Variants in KNDC1 observed in about 807,000 individuals in gnomAD.
KNDC1 encodes the protein kinase non-catalytic C-lobe domain containing 1.
A neutral mutation model predicts 172.8 loss-of-function variants in KNDC1; 106 were observed. That is an observed-to-expected ratio of 0.61 (90% confidence interval 0.52 to 0.72). The LOEUF (loss-of-function observed/expected upper bound fraction) is 0.72, where lower values mean the gene tolerates loss of function less well. Among genes scored for constraint, KNDC1 ranks in the 30% least tolerant of loss-of-function variants. The pLI, the probability that KNDC1 is intolerant of heterozygous loss-of-function variation, is 0.00. For synonymous variants in KNDC1, 1,083 were observed against 1,062.2 expected (o/e 1.02, Z -0.38); for missense variants, 2,325 against 2,394.5 (o/e 0.97, Z 0.61).
At chr10:133,166,748 TG>T (rs370750027) in intron 1 of KNDC1, among the ~76,000 whole-genome samples, 26 of 150,530 alleles carry the variant, frequency 1.7e-4, no homozygotes, top group African/African-American at 5.6e-4. Context: ...TGCATGTGCA[TG>T]GGGGGGGTGT....
Position 133,213,655 on chromosome 10 carries a change from A to G in KNDC1, c.4454A>G (p.Gln1485Arg). The change falls in exon 25 of 30, where the codon CAA (glutamine) becomes CGA (arginine). Residue 1485 changes from glutamine to arginine, a missense_variant. By Grantham distance (43) the Gln-to-Arg change is conservative. Transcript: ENST00000304613. ...CCATGTTCTGGGCAGGAGTTGTTTC[A>G]AAAGTGCCACCCGGTCCACTTCCTG... is the stretch of plus-strand genomic sequence containing the variant. ...QLTLLQQELF[Q>R]KCHPVHFLNS... 1 of 1,613,996 alleles carries G rather than the reference A, an allele frequency of 6.2e-7. No individual in the cohort carries two copies. Among genetic ancestry groups the G allele is most frequent in the South Asian group, 1.1e-5 (1 of 91,076 alleles).
Position 133,212,997 on chromosome 10 carries a change from C to G in KNDC1, c.4443+75C>G, listed in dbSNP as rs995482309. 52 of 1,302,254 alleles carry G rather than the reference C, an allele frequency of 4.0e-5. No homozygotes were observed. In the Admixed American group the frequency reaches 1.0e-3, roughly 25 times the overall value. 80.7% of individuals were successfully genotyped at this position (1,302,254 alleles called of 1,614,324 possible). On this transcript the variant is annotated intron_variant, in intron 24 of 29. Transcript: ENST00000304613. ...AGAAACACTCCGCGCCCATAGGGCC[C>G]TCAGCGGCTGCTTCCAGAGGAACAG...
Position 133,198,274 on chromosome 10 carries a change from G to C in KNDC1, c.1907-63G>C, listed in dbSNP as rs1025784987. 44 of 1,468,816 alleles carry C rather than the reference G, an allele frequency of 3.0e-5. No homozygotes were observed. In the African/African-American group the frequency reaches 5.4e-4, roughly 18 times the overall value. 91.0% of individuals were successfully genotyped at this position (1,468,816 alleles called of 1,614,324 possible). On this transcript the variant is annotated intron_variant, in intron 12 of 29. Coordinates refer to ENST00000304613, the MANE Select transcript of KNDC1 (RefSeq NM_152643.8). The stretch of plus-strand genomic sequence containing the variant: ...GGATGAGCACTGGGTGGGATGAGCC[G>C]GTGGTGCGGCACGTGCTGGGGCCAC...
At chr10:133,200,982 C>T (rs993436293) in intron 16 of KNDC1, among the ~76,000 whole-genome samples, 41 of 152,182 alleles carry the variant, frequency 2.7e-4, no homozygotes, top group African/African-American at 9.6e-4. Context: ...TCAGGCTGTC[C>T]GTAGTCGTGG....
In KNDC1 at chr10:133,186,021, G is replaced by A. The variant is rs747707034; in HGVS notation, c.673G>A (p.Gly225Arg). The A allele has an allele frequency of 3.2e-6, 5 of 1,584,628 alleles. No individual in the cohort carries two copies. The South Asian group carries it at 5.7e-5, about 18-fold the overall frequency. ...WRERPAPGNA[G>R]PRRPPGDPST... The stretch of plus-strand genomic sequence containing the variant: ...GGAGAGACCTGCCCCAGGAAACGCT[G>A]GGCCCAGGAGGCCGCCCGGGGACCC... The change falls in exon 6 of 30, where the codon GGG (glycine) becomes AGG (arginine). Residue 225 changes from glycine to arginine, a missense_variant. By Grantham distance (125) the Gly-to-Arg change is moderately radical (BLOSUM62 -2). Coordinates refer to ENST00000304613, the MANE Select transcript of KNDC1 (RefSeq NM_152643.8).
rs760770419 is a variant in KNDC1 at position 133,224,791 on chromosome 10, C to T, written c.5151C>T (p.Leu1717=). Residue 1717 remains leucine (L), a synonymous_variant, in exon 30 of 30, where the codon CTC becomes CTT. Transcript: ENST00000304613. The surrounding 1 kb of genome is among the most constrained non-coding windows in gnomAD (Gnocchi z 5.4). Reference sequence around the variant, plus strand: ...TCAGCGGTGCCGACATTTCCACACTCGCCGCAGATAGCAGGGCCAACTTCC... The same window carrying T: ...TCAGCGGTGCCGACATTTCCACACTTGCCGCAGATAGCAGGGCCAACTTCC... ...ARFSGADIST[L]AADSRANFHQ... is the part of the protein sequence containing the mutation. 2.5e-6 allele frequency: 4 copies of T among 1,614,026 alleles called. No homozygotes were observed. The highest frequency in any genetic ancestry group is 1.7e-6 in the Non-Finnish European group (2 of 1,180,026).
In KNDC1 at chr10:133,198,608, C is replaced by T. The variant is rs764069709; in HGVS notation, c.2100C>T (p.Ser700=). The change falls in exon 14 of 30, where the codon TCC becomes TCT. Residue 700 remains serine, a synonymous_variant. Transcript: ENST00000304613. ...RDQPALAQEE[S]EERGGQREGE... ...AGCCTGCCTTGGCCCAGGAGGAGTC[C>T]GAGGAGAGGGGCGGCCAGAGGGAGG... 33 of 1,599,424 alleles carry T rather than the reference C, an allele frequency of 2.1e-5. No homozygotes were observed. Among genetic ancestry groups the T allele is most frequent in the East Asian group, 4.5e-5 (2 of 44,550 alleles).
intron 15 of KNDC1, 80 bp from the exon 16 acceptor site, chr10:133,200,295 C>A (rs1236662518): frequency 9.1e-7 from 1 of 1,094,216 alleles, no homozygotes; most frequent in Non-Finnish European, 1.3e-6. Context: ...GACGTGTGGG[C>A]CTGTGGGCCC....
In KNDC1 at chr10:133,188,656, G is replaced by A. The variant is rs1294102045; in HGVS notation, c.1441+3G>A. On this transcript the variant is annotated splice_donor_region_variant and intron_variant, in intron 7 of 29. Transcript: ENST00000304613. Reference sequence around the variant, plus strand: ...GCAGACACGCCCTGAGCACCCAGGTGACGCACGCACCATCCCATCCCCCCC... The same window carrying A: ...GCAGACACGCCCTGAGCACCCAGGTAACGCACGCACCATCCCATCCCCCCC... 1.3e-6 allele frequency: 2 copies of A among 1,558,714 alleles called. No homozygotes were observed. Among genetic ancestry groups the A allele is most frequent in the East Asian group, 4.6e-5 (2 of 43,140 alleles).
In KNDC1 at chr10:133,210,537, C is replaced by T. The variant is rs2136019649; in HGVS notation, c.3795-74C>T. On this transcript the variant is annotated intron_variant, in intron 20 of 29. Coordinates refer to ENST00000304613, the MANE Select transcript of KNDC1 (RefSeq NM_152643.8). ...ACGCACACACACATACAGTCACACCCCACCACCGAACACTAGCCGAGCCCT... is the reference window on the plus strand; with the variant it reads ...ACGCACACACACATACAGTCACACCTCACCACCGAACACTAGCCGAGCCCT... The T allele has an allele frequency of 7.0e-6, 6 of 859,400 alleles. No homozygotes were observed. The East Asian group carries it at 7.2e-5, about 10-fold the overall frequency. The allele number at this position is 859,400 out of a possible 1,614,324, so 53.2% of individuals were successfully genotyped here. A position where few individuals can be genotyped will look rare whatever the true frequency, so the allele number is the denominator to read the frequency against.
At chr10:133,207,389 T>C (rs755499800) in intron 20 of KNDC1, 38 bp downstream of exon 20, 17 of 1,585,344 alleles carry the variant, frequency 1.1e-5, no homozygotes, top group Non-Finnish European at 1.5e-5. Context: ...AAAGGAGACG[T>C]AGCCCGGGGT....
chr10:133,218,954 G>C lies in KNDC1; in HGVS notation c.4800+1G>C. ...GCACCTGGCCGTGAGGCAGTCCCCT[G>C]TGCGTCCCCCTCGGGCCCCAAGGCG... On this transcript the variant is annotated splice_donor_variant, in intron 27 of 29. Transcript: ENST00000304613. LOFTEE classifies it high-confidence loss of function. 6.2e-7 allele frequency: 1 copy of C among 1,613,796 alleles called. No individual in the cohort carries two copies. The highest frequency in any genetic ancestry group is 8.5e-7 in the Non-Finnish European group (1 of 1,179,914).
intron 11 of KNDC1, 99 bp downstream of exon 11, chr10:133,197,234 A>G (rs1236864587): frequency 1.1e-6 from 1 of 912,524 alleles, no homozygotes; most frequent in African/African-American, 1.6e-5. Flanking sequence ...GCAGCCCCAC[A>G]CCCCGGTCTC....
At chr10:133,194,800 G>A (rs1396072891) in intron 9 of KNDC1, among the ~76,000 whole-genome samples, 1 of 152,236 alleles carries the variant, frequency 6.6e-6, no homozygotes, top group African/African-American at 2.4e-5. Context: ...TGGACTTACT[G>A]AAGTGATGGA....
chr10:133,224,583 GCGGGGGGACT>G lies in KNDC1; in HGVS notation c.5019-74_5019-65del. 1 of 997,240 alleles carries G rather than the reference GCGGGGGGACT, an allele frequency of 1.0e-6. No homozygotes were observed. The allele number at this position is 997,240 out of a possible 1,614,324, so 61.8% of individuals were successfully genotyped here. On this transcript the variant is annotated intron_variant, in intron 29 of 29. Coordinates refer to ENST00000304613, the MANE Select transcript of KNDC1 (RefSeq NM_152643.8). The surrounding 1 kb of genome is among the most constrained non-coding windows in gnomAD (Gnocchi z 5.4). The stretch of plus-strand genomic sequence containing the variant: ...TTTAGTCCAAATGATTCCTAAGAAC[GCGGGGGGACT>G]CCCTCCCCACGGAAGCCGCGCCCCT...
chr10:133,183,537 A>T, intron 4 of KNDC1, 47 bp downstream of exon 4: 2 of 1,538,338 alleles, frequency 1.3e-6, no homozygotes, highest in Non-Finnish European at 1.8e-6. Flanking sequence ...CCCTGACCCC[A>T]CAGGCCTGGA....
At chr10:133,210,045 G>T (rs1241161415) in intron 20 of KNDC1, among the ~76,000 whole-genome samples, 2 of 152,134 alleles carry the variant, frequency 1.3e-5, no homozygotes, top group African/African-American at 4.8e-5. Context: ...AACGGGTCCT[G>T]CGAGTGGAGA....
chr10:133,184,020 T>TCATG (rs1564882619), intron 5 of KNDC1, 31 bp downstream of exon 5: 1 of 1,325,670 alleles, frequency 7.5e-7, no homozygotes, highest in South Asian at 1.3e-5. Flanking sequence ...ACGTGCATCC[T>TCATG]CATGCACATA....
intron 18 of KNDC1, 21 bp downstream of exon 18, chr10:133,206,799 G>C: frequency 6.2e-7 from 1 of 1,613,746 alleles, no homozygotes; most frequent in Non-Finnish European, 8.5e-7. Context: ...TGTGGGCACA[G>C]GTCCGAGACC....
Sources: allele counts gnomAD v4.1 joint callset (sites outside exome capture counted in the v4.1 genomes callset), GRCh38; gene constraint gnomAD v4.1.1; non-coding constraint Gnocchi (gnomAD v3.1); transcripts MANE v1.5; gene names NCBI Gene and HGNC (gene_info 2026-07-23, HGNC 2026-07-21).